USP9X: variants seen among roughly 807,000 people sequenced by gnomAD.
The protein encoded by USP9X is ubiquitin specific peptidase 9 X-linked.
Under a neutral mutation model 190.3 loss-of-function variants are expected in USP9X, and 7 were observed. The observed-to-expected ratio is 0.04, with a 90% CI of 0.02 to 0.07. The LOEUF is 0.07. Among genes scored for constraint, USP9X ranks in the 10% least tolerant of loss-of-function variants. The pLI, the probability that USP9X is intolerant of heterozygous loss-of-function variation, is 1.00. For synonymous variants in USP9X, 645 were observed against 659.5 expected (o/e 0.98, Z 0.34); for missense variants, 1,010 against 1,916.9 (o/e 0.53, Z 8.83).
intron 1 of USP9X, among the ~76,000 whole-genome samples, chrX:41,106,811 G>A (rs1409202452): frequency 1.8e-5 from 2 of 108,858 alleles, no homozygotes; most frequent in African/African-American, 6.7e-5. Flanking sequence ...GATTACAGGC[G>A]TGAGCCACTG....
In USP9X at chrX:41,140,916, A is replaced by AT. The variant is rs760964525; in HGVS notation, c.771-46dup. The AT allele has an allele frequency of 2.7e-6, 3 of 1,129,022 alleles. No homozygotes were observed. In the South Asian group the frequency reaches 6.7e-5, roughly 25 times the overall value. The allele number at this position is 1,129,022 out of a possible 1,213,427, so 93.0% of individuals were successfully genotyped here. ...ATATAAAGAATTTAGTCCTAAATTG[A>AT]TTTTAAGAAATTGCGTATTTACAGG... is the stretch of plus-strand genomic sequence containing the variant. On this transcript the variant is annotated intron_variant, in intron 7 of 44. Transcript: ENST00000378308.
intron 15 of USP9X, among the ~76,000 whole-genome samples, chrX:41,163,661 G>T (rs1185162178): frequency 9.2e-6 from 1 of 108,204 alleles, no homozygotes; most frequent in Non-Finnish European, 1.9e-5. Context: ...GCTGGGGTGG[G>T]AGGATCACTT....
chrX:41,188,269 T>A, intron 25 of USP9X, 152 bp downstream of exon 25: 1 of 622,793 alleles, frequency 1.6e-6, no homozygotes, highest in Non-Finnish European at 2.3e-6. Context: ...GAGAATATGG[T>A]AAAATTTTAC....
Position 41,216,137 on chromosome X carries a change from C to T in USP9X, c.5570C>T (p.Thr1857Ile). ...IQQSEQSESE[T>I]AGSTKYRLVG... ...CAGAGTGAGCAGTCTGAAAGTGAGA[C>T]AGCAGGAAGCACAAAATACAGACTT... The change falls in exon 35 of 45, where the codon ACA becomes ATA. Residue 1857 changes from threonine to isoleucine, a missense_variant. Physicochemically the swap from Thr to Ile is moderately conservative, Grantham distance 89. Transcript: ENST00000378308. The T allele has an allele frequency of 8.3e-7, 1 of 1,211,544 alleles. No individual in the cohort carries two copies.
At chrX:41,150,730 TAGTA>T (rs2062517052) in intron 12 of USP9X, among the ~76,000 whole-genome samples, 187 bp from the exon 13 acceptor site, 1 of 112,132 alleles carries the variant, frequency 8.9e-6, no homozygotes, top group Non-Finnish European at 1.9e-5. Flanking sequence ...GGAGTTCTGG[TAGTA>T]AGTGTGAAAT....
At chrX:41,106,686 C>T (rs184132401) in intron 1 of USP9X, among the ~76,000 whole-genome samples, 2 of 106,255 alleles carry the variant, frequency 1.9e-5, no homozygotes, top group Non-Finnish European at 3.9e-5. Context: ...CCTGCCACCA[C>T]GCCCAGCTAC....
intron 14 of USP9X, among the ~76,000 whole-genome samples, chrX:41,160,808 A>G (rs1432394656): frequency 3.6e-5 from 4 of 112,335 alleles, no homozygotes; most frequent in Non-Finnish European, 7.5e-5. Flanking sequence ...AGATTAAAGA[A>G]TAGAAAGTCA....
intron 37 of USP9X, 141 bp from the exon 38 acceptor site, chrX:41,218,961 G>A (rs1238381868): frequency 8.2e-6 from 5 of 608,162 alleles, no homozygotes; most frequent in Non-Finnish European, 1.2e-5. Flanking sequence ...CCTTTCCCAA[G>A]AAGCAAAATA....
At chrX:41,180,825 G>A (rs2062818581) in intron 21 of USP9X, among the ~76,000 whole-genome samples, 1 of 111,957 alleles carries the variant, frequency 8.9e-6, no homozygotes, top group African/African-American at 3.2e-5. Context: ...TGTCTAAAAC[G>A]TGGTAATACA....
At chrX:41,171,044 A>G (rs1367847388) in intron 20 of USP9X, among the ~76,000 whole-genome samples, 4 of 112,065 alleles carry the variant, frequency 3.6e-5, no homozygotes, top group Non-Finnish European at 7.5e-5. Flanking sequence ...GGAAATACTG[A>G]ATTTTCTGTC....
At chrX:41,143,817 C>T (rs2062442107) in intron 10 of USP9X, among the ~76,000 whole-genome samples, 1 of 111,542 alleles carries the variant, frequency 9.0e-6, no homozygotes, top group Non-Finnish European at 1.9e-5. Flanking sequence ...TTTATAAAGA[C>T]CTGTAATAAT....
At chrX:41,131,323 C>A in intron 3 of USP9X, 134 bp from the exon 4 acceptor site, 1 of 459,395 alleles carries the variant, frequency 2.2e-6, no homozygotes, top group Non-Finnish European at 3.2e-6. Context: ...CCAACCTTGT[C>A]TTAATATTTT....
intron 18 of USP9X, among the ~76,000 whole-genome samples, chrX:41,169,661 G>T (rs1405401772): frequency 1.8e-5 from 2 of 110,397 alleles, no homozygotes; most frequent in Non-Finnish European, 3.8e-5. Flanking sequence ...TTACCATGTT[G>T]GCCAGGCTGA....
At position 41,184,611 on chromosome X, in the gene USP9X, G is replaced by A; in HGVS notation, c.3494G>A (p.Gly1165Asp). The A allele has an allele frequency of 8.3e-7, 1 of 1,211,791 alleles. No homozygotes were observed. The highest frequency in any genetic ancestry group is 1.1e-6 in the Non-Finnish European group (1 of 895,384). Residue 1165 changes from glycine (G) to aspartate (D), a missense_variant, in exon 23 of 45, where the codon GGT becomes GAT. By Grantham distance (94) the Gly-to-Asp change is moderately conservative (BLOSUM62 -1). Transcript: ENST00000378308. ...AKLLLTAIGYGHVRAVAEACQ... is the reference protein window; with the variant it reads ...AKLLLTAIGYDHVRAVAEACQ... ...CTTTTGCTAACTGCCATTGGCTATG[G>A]TCATGTTCGAGCTGTGGCAGAAGCT...
At chrX:41,165,244 C>T (rs913841694) in intron 15 of USP9X, among the ~76,000 whole-genome samples, 1 of 111,693 alleles carries the variant, frequency 9.0e-6, no homozygotes, top group African/African-American at 3.3e-5. Context: ...TTGAGTGCTA[C>T]AATTAAATTA....
intron 21 of USP9X, among the ~76,000 whole-genome samples, chrX:41,179,211 T>C: frequency 9.0e-6 from 1 of 111,308 alleles, no homozygotes; most frequent in South Asian, 3.6e-4. Flanking sequence ...TGTAGTTCCA[T>C]ATGAATTTTA....
chrX:41,099,045 GCCT>G (rs1406807026), intron 1 of USP9X, among the ~76,000 whole-genome samples: 4 of 103,032 alleles, frequency 3.9e-5, no homozygotes, highest in Non-Finnish European at 7.8e-5. Flanking sequence ...TCCCACCTCT[GCCT>G]CTTGAGTAGC....
chrX:41,158,637 G>C (rs1459300208), intron 14 of USP9X, among the ~76,000 whole-genome samples: 1 of 111,062 alleles, frequency 9.0e-6, no homozygotes. Context: ...TTCCGAATTT[G>C]CAGGAAAAAA....
chrX:41,212,284 G>A (rs1373432383), intron 33 of USP9X, among the ~76,000 whole-genome samples: 89 of 106,593 alleles, frequency 8.3e-4, no homozygotes, highest in Middle Eastern at 4.7e-3. Flanking sequence ...AAGAGTCATC[G>A]CCACTCCCTA....
Sources: allele counts gnomAD v4.1 joint callset (sites outside exome capture counted in the v4.1 genomes callset), GRCh38; gene constraint gnomAD v4.1.1; transcripts MANE v1.5; gene names NCBI Gene and HGNC (gene_info 2026-07-23, HGNC 2026-07-21).